Variants in PPP2R3A observed in about 807,000 individuals in gnomAD.
PPP2R3A encodes the protein protein phosphatase 2 regulatory subunit B''alpha.
In PPP2R3A, 80 loss-of-function variants were observed where a neutral mutation model predicts 106.9. The observed-to-expected ratio is 0.75, with a 90% CI of 0.62 to 0.90. The LOEUF is 0.90. Ranked by LOEUF, PPP2R3A falls within the 40% of genes least tolerant of loss-of-function variation. PPP2R3A has a pLI of 0.00. For missense variants in PPP2R3A, 1,386 were observed against 1,350.4 expected (o/e 1.03, Z -0.41); for synonymous variants, 483 against 468.3 (o/e 1.03, Z -0.41).
intron 1 of PPP2R3A, among the ~76,000 whole-genome samples, chr3:135,988,182 C>G (rs1933005200): frequency 6.6e-6 from 1 of 151,408 alleles, no homozygotes; most frequent in South Asian, 2.1e-4. Flanking sequence ...CTCCCACAAA[C>G]AAATCTTTTC....
chr3:136,093,022 A>C (rs1937131005), intron 10 of PPP2R3A, among the ~76,000 whole-genome samples: 1 of 152,196 alleles, frequency 6.6e-6, no homozygotes, highest in African/African-American at 2.4e-5. Flanking sequence ...TAGAGGAGTA[A>C]ATTTTCACGA....
intron 12 of PPP2R3A, among the ~76,000 whole-genome samples, chr3:136,104,038 C>T (rs75370742): frequency 0.033 from 4,975 of 152,212 alleles, 289 homozygotes; most frequent in African/African-American, 0.11. Flanking sequence ...ATGTTAAGAA[C>T]AGACTGTTGC....
chr3:136,055,570 G>C, intron 5 of PPP2R3A: 1 of 1,390,628 alleles, frequency 7.2e-7, no homozygotes, highest in Non-Finnish European at 1.0e-6. Context: ...TTCACAGAGC[G>C]GGTCTTTCTC....
chr3:135,981,742 A>G (rs1423592180), intron 1 of PPP2R3A, among the ~76,000 whole-genome samples: 1 of 151,786 alleles, frequency 6.6e-6, no homozygotes, highest in Non-Finnish European at 1.5e-5. Flanking sequence ...TTATGAAGAC[A>G]TTAAACTACA....
In PPP2R3A at chr3:136,017,693, C is replaced by T. The variant is rs1222658399; in HGVS notation, c.1996-9139C>T. 2.0e-5 allele frequency among the ~76,000 whole-genome samples: 3 copies of T among 152,160 alleles called. No homozygotes were observed. The East Asian group carries it at 5.8e-4, about 29-fold the overall frequency. On this transcript the variant is annotated intron_variant, in intron 2 of 13. Coordinates refer to ENST00000264977, the MANE Select transcript of PPP2R3A (RefSeq NM_002718.5). ...TCTTCTGAGCAAAATCCTTTGGTGT[C>T]ACTTCAGAGTGACTCTCTGTCTTTG...
In PPP2R3A at chr3:135,979,798, A is replaced by G. The variant is rs989186635; in HGVS notation, c.-441+13949A>G. 2.0e-5 allele frequency among the ~76,000 whole-genome samples: 3 copies of G among 151,862 alleles called. 1 individual carries two copies. Among genetic ancestry groups the G allele is most frequent in the African/African-American group, 7.3e-5 (3 of 41,104 alleles). ...ACAGATTAAATGAAGAGAGACACCA[A>G]GAGAGGGAAGGAGGCAGAGTATTAT... On this transcript the variant is annotated intron_variant, in intron 1 of 13. Coordinates refer to ENST00000264977, the MANE Select transcript of PPP2R3A (RefSeq NM_002718.5).
intron 1 of PPP2R3A, among the ~76,000 whole-genome samples, chr3:135,976,971 A>C (rs764891854): frequency 1.3e-5 from 2 of 152,240 alleles, no homozygotes; most frequent in Admixed American, 1.3e-4. Flanking sequence ...TGGTTTTAGG[A>C]CTGTGTTTGG....
At position 136,014,124 on chromosome 3, in the gene PPP2R3A, T is replaced by G. The variant is rs142110227; in HGVS notation, c.1995+10631T>G. Among the ~76,000 whole-genome samples, 462 of 152,270 alleles carry G rather than the reference T, an allele frequency of 3.0e-3. 3 individuals are homozygous for G. Among genetic ancestry groups the G allele is most frequent in the African/African-American group, 0.011 (442 of 41,570 alleles). On this transcript the variant is annotated intron_variant, in intron 2 of 13. Coordinates refer to ENST00000264977, the MANE Select transcript of PPP2R3A (RefSeq NM_002718.5). ...CCTTTCCCCACTTTATGTTTTTATT[T>G]GCCTTGTCAAGGATCAGTTGGTTGT...
intron 2 of PPP2R3A, among the ~76,000 whole-genome samples, chr3:136,022,306 C>T (rs1412396221): frequency 2.0e-5 from 3 of 152,008 alleles, no homozygotes; most frequent in Admixed American, 1.3e-4. Flanking sequence ...ATATGTTCAT[C>T]ATCAGTTCAA....
chr3:135,996,867 A>G (rs928822610), intron 1 of PPP2R3A, among the ~76,000 whole-genome samples: 2 of 152,132 alleles, frequency 1.3e-5, no homozygotes, highest in Non-Finnish European at 2.9e-5. Flanking sequence ...TTAATCAATA[A>G]TTTTGCTTTC....
intron 10 of PPP2R3A, among the ~76,000 whole-genome samples, chr3:136,094,570 C>T (rs558177325): frequency 1.3e-5 from 2 of 152,100 alleles, no homozygotes; most frequent in African/African-American, 4.8e-5. Context: ...TAGATATTCA[C>T]GAAGTAATAA....
At chr3:136,058,092 T>C (rs1183578612) in intron 5 of PPP2R3A, among the ~76,000 whole-genome samples, 2 of 152,146 alleles carry the variant, frequency 1.3e-5, no homozygotes, top group African/African-American at 2.4e-5. Context: ...AACTAGGTAT[T>C]GAAGGAACAT....
At chr3:136,020,715 A>AT (rs1934436083) in intron 2 of PPP2R3A, among the ~76,000 whole-genome samples, 1 of 152,134 alleles carries the variant, frequency 6.6e-6, no homozygotes, top group South Asian at 2.1e-4. Context: ...GACTCTTAGT[A>AT]AACACACAAC....
intron 2 of PPP2R3A, among the ~76,000 whole-genome samples, chr3:136,010,455 C>T (rs1456767480): frequency 2.8e-5 from 3 of 106,272 alleles, no homozygotes; most frequent in Non-Finnish European, 5.2e-5. Context: ...GAGACGGAGT[C>T]TCGCTCTGTC....
intron 13 of PPP2R3A, among the ~76,000 whole-genome samples, chr3:136,143,900 T>C (rs1020109763): frequency 2.0e-5 from 3 of 152,228 alleles, no homozygotes; most frequent in African/African-American, 7.2e-5. Context: ...GGTACCTTTT[T>C]GATGAAGGGA....
chr3:136,019,517 T>C (rs537140683), intron 2 of PPP2R3A, among the ~76,000 whole-genome samples: 1 of 152,298 alleles, frequency 6.6e-6, no homozygotes, highest in African/African-American at 2.4e-5. Context: ...TATATTTCTC[T>C]GTAGTGAAAT....
At chr3:135,977,072 A>C (rs1403967582) in intron 1 of PPP2R3A, among the ~76,000 whole-genome samples, 1 of 152,098 alleles carries the variant, frequency 6.6e-6, no homozygotes, top group African/African-American at 2.4e-5. Flanking sequence ...GTCCTCCTCC[A>C]TTCTATTTAA....
At chr3:136,047,164 T>C (rs989723658) in intron 4 of PPP2R3A, among the ~76,000 whole-genome samples, 1 of 152,202 alleles carries the variant, frequency 6.6e-6, no homozygotes, top group Non-Finnish European at 1.5e-5. Flanking sequence ...GGAAAACGTA[T>C]GAGGATATAG....
Position 136,102,069 on chromosome 3 carries a change from T to A in PPP2R3A, c.2990T>A (p.Leu997Gln). 1 of 1,614,128 alleles carries A rather than the reference T, an allele frequency of 6.2e-7. No individual in the cohort carries two copies. The highest frequency in any genetic ancestry group is 8.5e-7 in the Non-Finnish European group (1 of 1,179,998). ...DGDGVLSMYE[L>Q]EYFYEEQCER... ...GACGGTGTACTCTCCATGTATGAGC[T>A]GGAGTACTTCTATGAGGAGCAGTGT... Residue 997 changes from leucine (L) to glutamine (Q), a missense_variant, in exon 11 of 14, where the codon CTG (leucine) becomes CAG (glutamine). Leu to Gln is a moderately radical substitution (Grantham distance 113, BLOSUM62 -2). Transcript: ENST00000264977.
Sources: allele counts gnomAD v4.1 joint callset (sites outside exome capture counted in the v4.1 genomes callset), GRCh38; gene constraint gnomAD v4.1.1; transcripts MANE v1.5; gene names NCBI Gene and HGNC (gene_info 2026-07-23, HGNC 2026-07-21).